The following KCNB2 variants were observed in gnomAD, a reference collection of about 807,000 sequenced individuals.
The protein encoded by KCNB2 is potassium voltage-gated channel subfamily B member 2, also known as delayed rectifier potassium channel protein.
Under a neutral mutation model 61.5 loss-of-function variants are expected in KCNB2, and 15 were observed. The ratio of observed to expected loss-of-function variants is 0.24; its 90% CI spans 0.16 to 0.38. The LOEUF is 0.38. Among genes scored for constraint, KCNB2 ranks in the 10% least tolerant of loss-of-function variants. The probability of loss-of-function intolerance (pLI) is 1.00; values close to 1 mark genes in which losing one functional copy is unlikely to be tolerated. For missense variants in KCNB2, 828 were observed against 1,125.2 expected, an observed-to-expected ratio of 0.74 and a Z score of 3.78; for synonymous variants, 457 against 446.0, an observed-to-expected ratio of 1.02 and a Z score of -0.31.
intron 2 of KCNB2, among the ~76,000 whole-genome samples, chr8:72,643,532 TGGA>T (rs1806086214): frequency 6.6e-6 from 1 of 152,126 alleles, no homozygotes; most frequent in Non-Finnish European, 1.5e-5. Flanking sequence ...CTCCATGGTG[TGGA>T]GTGTGGCCCA....
chr8:72,711,588 G>C (rs184618411), intron 2 of KCNB2, among the ~76,000 whole-genome samples: 1 of 152,338 alleles, frequency 6.6e-6, no homozygotes, highest in East Asian at 1.9e-4. Flanking sequence ...ATGTACCCTA[G>C]AGGATGAATA....
chr8:72,839,599 CTTTTTTTTTTTTTTTTTTT>C (rs10561095), intron 2 of KCNB2, among the ~76,000 whole-genome samples: 1 of 87,642 alleles, frequency 1.1e-5, no homozygotes, highest in Non-Finnish European at 2.0e-5. Flanking sequence ...TGAAAGGCTT[CTTTTTTTTTTTTTTTTTTT>C]TTTTTTTTTT....
intron 2 of KCNB2, among the ~76,000 whole-genome samples, chr8:72,655,269 A>T (rs1806273253): frequency 6.6e-6 from 1 of 152,088 alleles, no homozygotes; most frequent in Non-Finnish European, 1.5e-5. Context: ...CACAAAGAAG[A>T]GAACAATAGG....
chr8:72,822,558 A>T (rs1323302586), intron 2 of KCNB2, among the ~76,000 whole-genome samples: 1 of 152,156 alleles, frequency 6.6e-6, no homozygotes, highest in Non-Finnish European at 1.5e-5. Context: ...TCCAGGTGCC[A>T]TGATTCATCA....
At chr8:72,683,313 A>G (rs1202950473) in intron 2 of KCNB2, among the ~76,000 whole-genome samples, 1 of 152,166 alleles carries the variant, frequency 6.6e-6, no homozygotes, top group African/African-American at 2.4e-5. Context: ...GCATTAATTC[A>G]TTTACTTATT....
At chr8:72,821,659 A>AAAAAAAAAAC (rs1554535735) in intron 2 of KCNB2, among the ~76,000 whole-genome samples, 19 of 117,080 alleles carry the variant, frequency 1.6e-4, no homozygotes, top group East Asian at 1.1e-3. Context: ...AAAAAAAAAA[A>AAAAAAAAAAC]ACACACACAC....
chr8:72,833,001 A>T (rs1809724269), intron 2 of KCNB2, among the ~76,000 whole-genome samples: 2 of 152,228 alleles, frequency 1.3e-5, no homozygotes, highest in African/African-American at 4.8e-5. Flanking sequence ...TAGGAGACCT[A>T]TGGAGAACTG....
chr8:72,806,703 C>A (rs1809230442), intron 2 of KCNB2, among the ~76,000 whole-genome samples: 1 of 152,084 alleles, frequency 6.6e-6, no homozygotes, highest in African/African-American at 2.4e-5. Context: ...TTTCTTCATT[C>A]AACAAGTATT....
chr8:72,872,071 A>C (rs1339721161), intron 2 of KCNB2, among the ~76,000 whole-genome samples: 2 of 152,204 alleles, frequency 1.3e-5, no homozygotes. Flanking sequence ...CATGTCCAAG[A>C]ACAATGTGCT....
intron 2 of KCNB2, among the ~76,000 whole-genome samples, chr8:72,591,425 G>A (rs1807097085): frequency 6.6e-6 from 1 of 152,140 alleles, no homozygotes; most frequent in South Asian, 2.1e-4. Flanking sequence ...GGAAACTGAT[G>A]CATGCATAAA....
chr8:72,695,918 TAG>T (rs1343325464), intron 2 of KCNB2, among the ~76,000 whole-genome samples: 3 of 152,206 alleles, frequency 2.0e-5, no homozygotes, highest in Admixed American at 2.0e-4. Flanking sequence ...AATCTGGTAT[TAG>T]TTGCACAAGG....
At chr8:72,619,839 A>G (rs1805687664) in intron 2 of KCNB2, among the ~76,000 whole-genome samples, 1 of 152,208 alleles carries the variant, frequency 6.6e-6, no homozygotes, top group East Asian at 1.9e-4. Context: ...TTTGGTTGAT[A>G]TGATTTATTA....
At chr8:72,894,292 G>C (rs1242535733) in intron 2 of KCNB2, among the ~76,000 whole-genome samples, 1 of 152,134 alleles carries the variant, frequency 6.6e-6, no homozygotes, top group Non-Finnish European at 1.5e-5. Context: ...TGTAGCTGGT[G>C]ATCACTGGTC....
chr8:72,583,465 CA>C (rs78419479), intron 2 of KCNB2, among the ~76,000 whole-genome samples: 23,839 of 143,260 alleles, frequency 0.17, 2,345 homozygotes, highest in East Asian at 0.48. Context: ...AATTCTGTGG[CA>C]AAAAAAAAAC....
chr8:72,791,958 T>A (rs920505571), intron 2 of KCNB2, among the ~76,000 whole-genome samples: 1 of 152,216 alleles, frequency 6.6e-6, no homozygotes, highest in Non-Finnish European at 1.5e-5. Context: ...GGCACAATCC[T>A]ACCAGTGAGT....
intron 2 of KCNB2, among the ~76,000 whole-genome samples, chr8:72,646,144 A>G (rs1272113441): frequency 6.6e-6 from 1 of 152,146 alleles, no homozygotes; most frequent in Non-Finnish European, 1.5e-5. Context: ...GTCAAGATAC[A>G]TATATACATA....
chr8:72,852,633 T>C (rs1352984880), intron 2 of KCNB2, among the ~76,000 whole-genome samples: 1 of 152,230 alleles, frequency 6.6e-6, no homozygotes, highest in Non-Finnish European at 1.5e-5. Flanking sequence ...TGTAATCATT[T>C]TTTGCACAGG....
In KCNB2 at chr8:72,671,689, T is replaced by A. The variant is rs1020323744; in HGVS notation, c.579+103376T>A. Reference sequence around the variant, plus strand: ...TTCTTACTTCAAAAGGTGTAGTGTATCTGATTTCCCCTTGATTCTGAGCTT... The same window carrying A: ...TTCTTACTTCAAAAGGTGTAGTGTAACTGATTTCCCCTTGATTCTGAGCTT... On this transcript the variant is annotated intron_variant, in intron 2 of 2. Coordinates refer to ENST00000523207, the MANE Select transcript of KCNB2 (RefSeq NM_004770.3). Among the ~76,000 whole-genome samples, 6 of 152,262 alleles carry A rather than the reference T, an allele frequency of 3.9e-5. 1 individual carries two copies.
At chr8:72,923,629 A>G (rs1806573418) in intron 2 of KCNB2, among the ~76,000 whole-genome samples, 1 of 152,134 alleles carries the variant, frequency 6.6e-6, no homozygotes, top group African/African-American at 2.4e-5. Context: ...GGGGTGGTCC[A>G]TTCAATTGGT....
Sources: allele counts gnomAD v4.1 joint callset (sites outside exome capture counted in the v4.1 genomes callset), GRCh38; gene constraint gnomAD v4.1.1; transcripts MANE v1.5; gene names NCBI Gene and HGNC (gene_info 2026-07-23, HGNC 2026-07-21).